Variants in OR10H5 observed in about 807,000 individuals in gnomAD.
OR10H5 encodes the protein olfactory receptor family 10 subfamily H member 5.
In OR10H5, 7 loss-of-function variants were observed where a neutral mutation model predicts 12.2. The observed-to-expected ratio is 0.57, with a 90% CI of 0.33 to 1.07. The LOEUF is 1.07. Ranked by LOEUF, OR10H5 falls within the 50% of genes least tolerant of loss-of-function variation. OR10H5 has a pLI of 0.04. For missense variants in OR10H5, 346 were observed against 411.6 expected, an observed-to-expected ratio of 0.84 and a Z score of 1.38; for synonymous variants, 159 against 175.1, an observed-to-expected ratio of 0.91 and a Z score of 0.73.
At position 15,799,701 on chromosome 19, in the gene OR10H5, T is replaced by TA. The variant is rs1472059035; in HGVS notation, c.*4705_*4706insA. 6.6e-6 allele frequency: 1 copy of TA among 151,054 alleles called. No individual in the cohort carries two copies. Among genetic ancestry groups the TA allele is most frequent in the Non-Finnish European group, 1.5e-5 (1 of 67,782 alleles). The allele number at this position is 151,054 out of a possible 1,614,324, so 9.4% of individuals were successfully genotyped here. On this transcript the variant is annotated 3_prime_UTR_variant, in exon 2 of 2. Transcript: ENST00000642092. ...CTATATGTTCATTGAATGTCTTTTTTTTTTTTTGAGAGAGAGAGAGAGAGA... is the reference window on the plus strand; with the variant it reads ...CTATATGTTCATTGAATGTCTTTTTTATTTTTTTGAGAGAGAGAGAGAGAGA...
At chr19:15,787,823 G>A (rs2088789039) in intron 1 of OR10H5, 107 bp downstream of exon 1, 1 of 152,882 alleles carries the variant, frequency 6.5e-6, no homozygotes, top group Non-Finnish European at 1.5e-5. Flanking sequence ...TGGAACAGAG[G>A]GAGGCACAGG....
At position 15,794,276 on chromosome 19, in the gene OR10H5, C is replaced by T. The variant is rs61748357; in HGVS notation, c.228C>T (p.Ala76=). The part of the protein sequence containing the change: ...LSITEILYTV[A]IIPRMLADLL... ...TCACCGAGATCCTCTACACCGTGGC[C>T]ATCATCCCGCGCATGCTGGCCGACC... is the stretch of plus-strand genomic sequence containing the variant. Residue 76 remains alanine, a synonymous_variant, in exon 2 of 2, where the codon GCC becomes GCT. Transcript: ENST00000642092. 4 of 1,614,112 alleles carry T rather than the reference C, an allele frequency of 2.5e-6. No homozygotes were observed. The highest frequency in any genetic ancestry group is 2.2e-5 in the South Asian group (2 of 91,070).
chr19:15,792,710 C>CT, intron 1 of OR10H5, among the ~76,000 whole-genome samples: 1 of 152,134 alleles, frequency 6.6e-6, no homozygotes, highest in South Asian at 2.1e-4. Flanking sequence ...AAGTGATCCA[C>CT]CCACCTCGGC....
rs893837608 is a variant in OR10H5, at chr19:15,798,364, C to G, written c.*3368C>G. ...CCCGGGACCCTGTCCTCATCTCCCCCCATTAATCAGCCTTCACTTTCTGAA... is the reference window on the plus strand; with the variant it reads ...CCCGGGACCCTGTCCTCATCTCCCCGCATTAATCAGCCTTCACTTTCTGAA... On this transcript the variant is annotated 3_prime_UTR_variant, in exon 2 of 2. Coordinates refer to ENST00000642092, the MANE Select transcript of OR10H5 (RefSeq NM_001004466.2). 6.6e-5 allele frequency: 10 copies of G among 152,146 alleles called. No homozygotes were observed. Among genetic ancestry groups the G allele is most frequent in the African/African-American group, 2.4e-4 (10 of 41,402 alleles). 9.4% of individuals were successfully genotyped at this position (152,146 alleles called of 1,614,324 possible). A position where few individuals can be genotyped will look rare whatever the true frequency, so the allele number is the denominator to read the frequency against.
intron 1 of OR10H5, among the ~76,000 whole-genome samples, chr19:15,792,717 C>T (rs1159438308): frequency 2.0e-5 from 3 of 152,154 alleles, no homozygotes; most frequent in Non-Finnish European, 4.4e-5. Context: ...CCACCCACCT[C>T]GGCCTCCCAA....
chr19:15,791,896 T>C (rs572998870), intron 1 of OR10H5, among the ~76,000 whole-genome samples: 11 of 152,088 alleles, frequency 7.2e-5, no homozygotes, highest in South Asian at 4.1e-4. Flanking sequence ...GTTTTCACCA[T>C]GTTAGCCAGG....
At chr19:15,787,940 C>T (rs2088790205) in intron 1 of OR10H5, among the ~76,000 whole-genome samples, 1 of 152,190 alleles carries the variant, frequency 6.6e-6, no homozygotes, top group Non-Finnish European at 1.5e-5. Context: ...TCCAAGTCCC[C>T]CATAGAGTCC....
intron 1 of OR10H5, among the ~76,000 whole-genome samples, chr19:15,789,220 G>A (rs1262009567): frequency 6.6e-6 from 1 of 152,200 alleles, no homozygotes; most frequent in Non-Finnish European, 1.5e-5. Flanking sequence ...TTTGGCAAGG[G>A]CTCCATAGGT....
chr19:15,795,033 G>T lies in OR10H5; in HGVS notation c.*37G>T. 6.4e-7 allele frequency: 1 copy of T among 1,567,450 alleles called. No homozygotes were observed. Among genetic ancestry groups the T allele is most frequent in the Non-Finnish European group, 8.7e-7 (1 of 1,145,140 alleles). ...TTCTCTCAAGAGATGTAGCGAATGGGAACACTTTAGTCTTCCTCCTTTATT... is the reference window on the plus strand; with the variant it reads ...TTCTCTCAAGAGATGTAGCGAATGGTAACACTTTAGTCTTCCTCCTTTATT... On this transcript the variant is annotated 3_prime_UTR_variant, in exon 2 of 2. Transcript: ENST00000642092.
intron 1 of OR10H5, among the ~76,000 whole-genome samples, chr19:15,790,131 A>T (rs2088803026): frequency 1.3e-5 from 2 of 152,016 alleles, no homozygotes; most frequent in South Asian, 4.1e-4. Context: ...AGGAGCAGGG[A>T]CCTTGGAGCC....
intron 1 of OR10H5, among the ~76,000 whole-genome samples, chr19:15,790,327 C>T (rs144630397): frequency 1.1e-3 from 173 of 152,284 alleles, no homozygotes; most frequent in African/African-American, 3.9e-3. Context: ...AGACAGCAAA[C>T]AGCAATGATG....
chr19:15,795,000 G>C lies in OR10H5; in HGVS notation c.*4G>C, dbSNP rs2088832438. The stretch of plus-strand genomic sequence containing the variant: ...ACTCTTTCCACAGAACTGCTGAAAT[G>C]GCTGACTTTCTCTCAAGAGATGTAG... On this transcript the variant is annotated 3_prime_UTR_variant, in exon 2 of 2. Transcript: ENST00000642092. The C allele has an allele frequency of 3.1e-6, 5 of 1,612,060 alleles. No homozygotes were observed. The highest frequency in any genetic ancestry group is 3.4e-6 in the Non-Finnish European group (4 of 1,179,034).
rs1440858523 is a variant in OR10H5 at position 15,796,778 on chromosome 19, T to C, written c.*1782T>C. ...CCCAAAAAATTAAATTAAATTAAAT[T>C]AAACGCTTTGCAAAAAAAAAAAACT... On this transcript the variant is annotated 3_prime_UTR_variant, in exon 2 of 2. Coordinates refer to ENST00000642092, the MANE Select transcript of OR10H5 (RefSeq NM_001004466.2). 1 of 146,614 alleles carries C rather than the reference T, an allele frequency of 6.8e-6. No individual in the cohort carries two copies. Among genetic ancestry groups the C allele is most frequent in the Non-Finnish European group, 1.5e-5 (1 of 66,502 alleles). The allele number at this position is 146,614 out of a possible 1,614,324, so 9.1% of individuals were successfully genotyped here.
chr19:15,789,191 C>A (rs2088797739), intron 1 of OR10H5, among the ~76,000 whole-genome samples: 1 of 152,148 alleles, frequency 6.6e-6, no homozygotes, highest in Admixed American at 6.5e-5. Context: ...TTATTCCAGC[C>A]CCAGATGAGC....
At chr19:15,792,219 C>T (rs1296534399) in intron 1 of OR10H5, among the ~76,000 whole-genome samples, 3 of 151,876 alleles carry the variant, frequency 2.0e-5, no homozygotes, top group Non-Finnish European at 2.9e-5. Flanking sequence ...TTTTTTTATT[C>T]GCATTTTTTA....
chr19:15,794,369 C>G lies in OR10H5; in HGVS notation c.321C>G (p.Phe107Leu). 1 of 1,614,190 alleles carries G rather than the reference C, an allele frequency of 6.2e-7. No individual in the cohort carries two copies. Among genetic ancestry groups the G allele is most frequent in the South Asian group, 1.1e-5 (1 of 91,082 alleles). ...GTCAGATGTTCTTCTCCTTCAGCTT[C>G]GGCTTCACCCACTCCTTCCTGCTCA... The part of the protein sequence containing the change: ...CASQMFFSFS[F>L]GFTHSFLLTV... Residue 107 changes from phenylalanine (F) to leucine (L), a missense_variant, in exon 2 of 2, where the codon TTC becomes TTG. Phe to Leu is a conservative substitution (Grantham distance 22). Transcript: ENST00000642092.
chr19:15,799,861 G>C lies in OR10H5; in HGVS notation c.*4865G>C, dbSNP rs1260301957. On this transcript the variant is annotated 3_prime_UTR_variant, in exon 2 of 2. Transcript: ENST00000642092. Reference sequence around the variant, plus strand: ...GAATTACAGGCGTGCCACCATGCCTGGCTAAATTTTTTTTGTGTTTTTAGT... The same window carrying C: ...GAATTACAGGCGTGCCACCATGCCTCGCTAAATTTTTTTTGTGTTTTTAGT... 6.6e-6 allele frequency: 1 copy of C among 151,856 alleles called. No individual in the cohort carries two copies. Among genetic ancestry groups the C allele is most frequent in the Admixed American group, 6.6e-5 (1 of 15,238 alleles). 9.4% of individuals were successfully genotyped at this position (151,856 alleles called of 1,614,324 possible).
At position 15,799,461 on chromosome 19, in the gene OR10H5, C is replaced by G. The variant is rs1237623578; in HGVS notation, c.*4465C>G. Reference sequence around the variant, plus strand: ...AATAATCAGTTTTCTTGCATTTTTTCCCTCGAAAGACTAAAAAATGGAAGC... The same window carrying G: ...AATAATCAGTTTTCTTGCATTTTTTGCCTCGAAAGACTAAAAAATGGAAGC... On this transcript the variant is annotated 3_prime_UTR_variant, in exon 2 of 2. Transcript: ENST00000642092. The G allele has an allele frequency of 6.6e-6, 1 of 151,898 alleles. No homozygotes were observed. Among genetic ancestry groups the G allele is most frequent in the Non-Finnish European group, 1.5e-5 (1 of 67,992 alleles). The allele number at this position is 151,898 out of a possible 1,614,324, so 9.4% of individuals were successfully genotyped here. A position where few individuals can be genotyped will look rare whatever the true frequency, so the allele number is the denominator to read the frequency against.
chr19:15,795,175 C>T lies in OR10H5; in HGVS notation c.*179C>T. 2 of 586,094 alleles carry T rather than the reference C, an allele frequency of 3.4e-6. No homozygotes were observed. The highest frequency in any genetic ancestry group is 2.9e-5 in the East Asian group (1 of 34,010). 36.3% of individuals were successfully genotyped at this position (586,094 alleles called of 1,614,324 possible). ...ACCTACAGTCCACCCTCCCTCCCCC[C>T]TCCTCCTTGCCTTCCTTCCATCCTT... On this transcript the variant is annotated 3_prime_UTR_variant, in exon 2 of 2. Coordinates refer to ENST00000642092, the MANE Select transcript of OR10H5 (RefSeq NM_001004466.2).
Sources: gnomAD v4.1 joint callset for allele counts (sites outside exome capture counted in the v4.1 genomes callset) on GRCh38, gnomAD v4.1.1 for gene constraint, MANE v1.5 for transcripts, NCBI Gene and HGNC (gene_info 2026-07-23, HGNC 2026-07-21) for gene names.